TTLL5: variants seen among roughly 807,000 people sequenced by gnomAD.
The protein encoded by TTLL5 is tubulin polyglutamylase TTLL5.
In TTLL5, 132 loss-of-function variants were observed where a neutral mutation model predicts 168.4. That is an observed-to-expected ratio of 0.78 (90% CI 0.68 to 0.91). The LOEUF is 0.91. Among genes scored for constraint, TTLL5 ranks in the 40% least tolerant of loss-of-function variants. The probability of loss-of-function intolerance (pLI) is 0.00; values close to 1 mark genes in which losing one functional copy is unlikely to be tolerated. For missense variants in TTLL5, 1,545 were observed against 1,581.5 expected, an observed-to-expected ratio of 0.98 and a Z score of 0.39; for synonymous variants, 546 against 558.6, an observed-to-expected ratio of 0.98 and a Z score of 0.32.
At chr14:75,802,440 G>A (rs1220230502) in intron 27 of TTLL5, among the ~76,000 whole-genome samples, 1 of 152,164 alleles carries the variant, frequency 6.6e-6, no homozygotes, top group Non-Finnish European at 1.5e-5. Context: ...TAAATTACTT[G>A]TGCTATTTTG....
At chr14:75,782,096 T>C (rs1892094147) in intron 24 of TTLL5, among the ~76,000 whole-genome samples, 1 of 152,058 alleles carries the variant, frequency 6.6e-6, no homozygotes, top group South Asian at 2.1e-4. Flanking sequence ...TTGTAACTTC[T>C]TGGCTCCAGG....
At chr14:75,882,602 A>C (rs1011000564) in intron 29 of TTLL5, 83 bp from the exon 30 acceptor site, 1 of 1,254,652 alleles carries the variant, frequency 8.0e-7, no homozygotes, top group Non-Finnish European at 1.1e-6. Flanking sequence ...TTGCCCCTTG[A>C]CAGGATTACA....
intron 27 of TTLL5, among the ~76,000 whole-genome samples, chr14:75,819,424 T>A (rs771846150): frequency 1.3e-5 from 2 of 152,240 alleles, no homozygotes; most frequent in Non-Finnish European, 2.9e-5. Flanking sequence ...AACTTGCATT[T>A]CTTTGTAATT....
intron 28 of TTLL5, among the ~76,000 whole-genome samples, chr14:75,850,628 G>A (rs1896794147): frequency 6.6e-6 from 1 of 151,964 alleles, no homozygotes; most frequent in Non-Finnish European, 1.5e-5. Context: ...ACATGAAGTA[G>A]GAATTCCATG....
intron 12 of TTLL5, among the ~76,000 whole-genome samples, chr14:75,730,491 A>G (rs1307796399): frequency 1.3e-5 from 2 of 152,204 alleles, no homozygotes; most frequent in Non-Finnish European, 2.9e-5. Flanking sequence ...TGCAAATTAA[A>G]TGGAATCCCA....
intron 2 of TTLL5, among the ~76,000 whole-genome samples, chr14:75,669,011 C>T (rs1344383786): frequency 6.6e-6 from 1 of 152,188 alleles, no homozygotes; most frequent in Non-Finnish European, 1.5e-5. Context: ...TGTTGCCCTT[C>T]CAGACTTCTC....
intron 30 of TTLL5, among the ~76,000 whole-genome samples, chr14:75,894,507 C>A (rs1055425072): frequency 5.9e-5 from 9 of 151,622 alleles, no homozygotes; most frequent in Non-Finnish European, 1.3e-4. Context: ...GAGCCGAGAT[C>A]ACACGCCACT....
chr14:75,687,299 A>G (rs1450342758), intron 5 of TTLL5, among the ~76,000 whole-genome samples: 2 of 152,146 alleles, frequency 1.3e-5, no homozygotes, highest in East Asian at 1.9e-4. Context: ...GTGGGGGGAC[A>G]GTTTCGCTCT....
At chr14:75,747,597 T>A (rs1016507108) in intron 17 of TTLL5, among the ~76,000 whole-genome samples, 3 of 152,170 alleles carry the variant, frequency 2.0e-5, no homozygotes, top group Admixed American at 6.5e-5. Flanking sequence ...TTTTCAGGCT[T>A]ATTTTTAAGC....
chr14:75,739,009 G>A (rs1889080665), intron 15 of TTLL5, among the ~76,000 whole-genome samples: 1 of 151,980 alleles, frequency 6.6e-6, no homozygotes, highest in Non-Finnish European at 1.5e-5. Flanking sequence ...GTTTTGACCT[G>A]TTACCCAGGT....
chr14:75,914,201 A>G (rs2033517495), intron 31 of TTLL5, among the ~76,000 whole-genome samples: 1 of 151,224 alleles, frequency 6.6e-6, no homozygotes, highest in Non-Finnish European at 1.5e-5. Flanking sequence ...ACAAAGTTTA[A>G]CACTTCTTCA....
At chr14:75,760,173 AATCG>A (rs1450365023) in intron 18 of TTLL5, among the ~76,000 whole-genome samples, 3 of 152,120 alleles carry the variant, frequency 2.0e-5, no homozygotes, top group African/African-American at 7.2e-5. Flanking sequence ...GACATACTAA[AATCG>A]ATTGTATCTT....
chr14:75,665,893 G>A (rs548824596), intron 2 of TTLL5, among the ~76,000 whole-genome samples: 18 of 152,260 alleles, frequency 1.2e-4, no homozygotes, highest in African/African-American at 4.3e-4. Flanking sequence ...TTTAGATAAC[G>A]TCAAAGGCAC....
intron 31 of TTLL5, among the ~76,000 whole-genome samples, chr14:75,921,533 G>A (rs1266933743): frequency 1.3e-5 from 2 of 152,164 alleles, no homozygotes; most frequent in East Asian, 3.8e-4. Flanking sequence ...TCAGATTGTT[G>A]TAGATGTGTT....
intron 9 of TTLL5, chr14:75,710,997 G>A (rs527768852): frequency 2.6e-5 from 4 of 152,200 alleles, no homozygotes; most frequent in Non-Finnish European, 4.4e-5. Flanking sequence ...AATACTAGGC[G>A]ACAGAAAGAT....
chr14:75,822,073 G>A (rs1434416813), intron 28 of TTLL5, among the ~76,000 whole-genome samples: 5 of 152,212 alleles, frequency 3.3e-5, no homozygotes, highest in East Asian at 1.9e-4. Flanking sequence ...GGAGCCCTGA[G>A]TGAATTCTCA....
intron 23 of TTLL5, among the ~76,000 whole-genome samples, chr14:75,777,821 A>G (rs916525804): frequency 2.0e-5 from 3 of 152,156 alleles, no homozygotes; most frequent in African/African-American, 7.2e-5. Context: ...AGACCTCACT[A>G]TCATGCGCTT....
intron 31 of TTLL5, among the ~76,000 whole-genome samples, chr14:75,914,600 ATGATTG>A (rs1395361312): frequency 1.3e-5 from 2 of 150,028 alleles, no homozygotes; most frequent in African/African-American, 4.9e-5. Context: ...AAAATAATGA[ATGATTG>A]ATCACTACTC....
At chr14:75,738,598 G>T (rs1425283329) in intron 15 of TTLL5, among the ~76,000 whole-genome samples, 1 of 152,092 alleles carries the variant, frequency 6.6e-6, no homozygotes, top group Non-Finnish European at 1.5e-5. Context: ...ATAATATGTA[G>T]TATTTTATAT....
Sources: allele counts gnomAD v4.1 joint callset (sites outside exome capture counted in the v4.1 genomes callset), GRCh38; gene constraint gnomAD v4.1.1; transcripts MANE v1.5; gene names NCBI Gene and HGNC (gene_info 2026-07-23, HGNC 2026-07-21).